The following SUPT3H variants were observed in gnomAD, a reference collection of about 807,000 sequenced individuals.
SUPT3H encodes the protein transcription initiation protein SPT3 homolog.
A neutral mutation model predicts 44.3 loss-of-function variants in SUPT3H; 44 were observed. The observed-to-expected ratio is 0.99, with a 90% confidence interval of 0.78 to 1.28. The LOEUF (loss-of-function observed/expected upper bound fraction) is 1.28, where lower values mean the gene tolerates loss of function less well. Ranked by LOEUF, SUPT3H falls within the 50% of genes most tolerant of loss-of-function variation. The probability of loss-of-function intolerance (pLI) is 0.00; values close to 1 mark genes in which losing one functional copy is unlikely to be tolerated. For missense variants in SUPT3H, 380 were observed against 387.1 expected (o/e 0.98, Z 0.15); for synonymous variants, 124 against 125.6 (o/e 0.99, Z 0.09).
At chr6:44,974,435 T>C (rs1562175202) in intron 6 of SUPT3H, among the ~76,000 whole-genome samples, 1 of 152,110 alleles carries the variant, frequency 6.6e-6, no homozygotes, top group Admixed American at 6.5e-5. Context: ...AGTCCTCCAA[T>C]ATTCTTTCTC....
At chr6:44,912,664 T>C (rs1461195380) in intron 10 of SUPT3H, among the ~76,000 whole-genome samples, 1 of 152,252 alleles carries the variant, frequency 6.6e-6, no homozygotes, top group Non-Finnish European at 1.5e-5. Flanking sequence ...TTCCAGTTGT[T>C]GTTCCCTTTA....
chr6:45,072,789 C>A (rs1333888969), intron 3 of SUPT3H, among the ~76,000 whole-genome samples: 1 of 152,078 alleles, frequency 6.6e-6, no homozygotes, highest in Non-Finnish European at 1.5e-5. Context: ...GCTGCCCAAT[C>A]TAGGATTAAA....
At chr6:44,848,128 G>C (rs1772223982) in intron 10 of SUPT3H, among the ~76,000 whole-genome samples, 1 of 118,852 alleles carries the variant, frequency 8.4e-6, no homozygotes, top group African/African-American at 2.6e-5. Context: ...ACCACACTCA[G>C]CTAATTTTTT....
chr6:45,289,591 T>C (rs1276301287), intron 2 of SUPT3H, among the ~76,000 whole-genome samples: 2 of 152,176 alleles, frequency 1.3e-5, no homozygotes, highest in African/African-American at 4.8e-5. Context: ...TAAAGAGATA[T>C]CATCTGAATA....
intron 6 of SUPT3H, among the ~76,000 whole-genome samples, chr6:44,986,315 AC>A (rs951698070): frequency 1.1e-3 from 164 of 152,292 alleles, no homozygotes; most frequent in Non-Finnish European, 1.6e-4. Flanking sequence ...AGTGTCCCCA[AC>A]TATAAAGTGA....
At chr6:45,178,075 A>C (rs1344388068) in intron 2 of SUPT3H, among the ~76,000 whole-genome samples, 1 of 152,058 alleles carries the variant, frequency 6.6e-6, no homozygotes, top group Non-Finnish European at 1.5e-5. Flanking sequence ...AACAATATTA[A>C]CTTTAAATTT....
chr6:45,192,908 T>C (rs1158041735), intron 2 of SUPT3H, among the ~76,000 whole-genome samples: 1 of 152,102 alleles, frequency 6.6e-6, no homozygotes, highest in African/African-American at 2.4e-5. Flanking sequence ...AATGCAAAAT[T>C]GTAAGAAAAT....
At chr6:45,137,012 T>A (rs1336225794) in intron 2 of SUPT3H, among the ~76,000 whole-genome samples, 1 of 152,114 alleles carries the variant, frequency 6.6e-6, no homozygotes, top group Non-Finnish European at 1.5e-5. Flanking sequence ...ATAAGATAAG[T>A]GACTCATTCC....
At chr6:45,118,822 A>G (rs1193466922) in intron 2 of SUPT3H, among the ~76,000 whole-genome samples, 3 of 152,156 alleles carry the variant, frequency 2.0e-5, no homozygotes, top group African/African-American at 7.2e-5. Flanking sequence ...CTGCACTATA[A>G]CCCTGAGCTC....
intron 2 of SUPT3H, among the ~76,000 whole-genome samples, chr6:45,165,840 G>C (rs974316641): frequency 1.1e-4 from 16 of 152,100 alleles, no homozygotes; most frequent in Admixed American, 2.0e-4. Context: ...AGGGAACAGA[G>C]AACACAAGAG....
chr6:45,327,965 A>G (rs1424439680), intron 2 of SUPT3H, among the ~76,000 whole-genome samples: 1 of 151,974 alleles, frequency 6.6e-6, no homozygotes, highest in African/African-American at 2.4e-5. Context: ...GAGGAGGCAA[A>G]AAGGCAGAGG....
At chr6:45,158,298 A>ATATATATATATATAATTTTTTTT in intron 2 of SUPT3H, among the ~76,000 whole-genome samples, 1 of 99,688 alleles carries the variant, frequency 1.0e-5, no homozygotes, top group South Asian at 3.0e-4. Context: ...ATATATATAT[A>ATATATATATATATAATTTTTTTT]TTTTTTTTTT....
intron 9 of SUPT3H, among the ~76,000 whole-genome samples, chr6:44,939,494 G>A (rs941050601): frequency 1.3e-5 from 2 of 152,040 alleles, no homozygotes; most frequent in African/African-American, 2.4e-5. Context: ...TGGAGTCTGT[G>A]TTCATCAGGG....
chr6:45,124,849 T>C (rs532799555), intron 2 of SUPT3H, among the ~76,000 whole-genome samples: 4 of 152,176 alleles, frequency 2.6e-5, no homozygotes, highest in Admixed American at 6.5e-5. Flanking sequence ...ATAATGAAGT[T>C]AAAACAAGGT....
chr6:44,813,579 A>AG lies in SUPT3H; in HGVS notation c.*53-4079_*53-4078insC, dbSNP rs535312048. On this transcript the variant is annotated intron_variant and NMD_transcript_variant, in intron 11 of 11. Coordinates refer to the SUPT3H transcript ENST00000475057. Reference sequence around the variant, plus strand: ...AGGAGGCACTGAAAACCAAGAGGAAAAAAAAAAAAACAGACAACAGAAACA... The same window carrying AG: ...AGGAGGCACTGAAAACCAAGAGGAAAGAAAAAAAAAACAGACAACAGAAACA... Among the ~76,000 whole-genome samples the AG allele has an allele frequency of 2.0e-3, 309 of 151,664 alleles. 1 individual carries two copies. Among genetic ancestry groups the AG allele is most frequent in the African/African-American group, 7.2e-3 (299 of 41,386 alleles).
intron 4 of SUPT3H, among the ~76,000 whole-genome samples, chr6:45,018,766 T>C (rs1420208183): frequency 3.3e-5 from 5 of 152,010 alleles, no homozygotes; most frequent in Non-Finnish European, 7.4e-5. Context: ...TTATTGAGGA[T>C]TTTTGCATCA....
At chr6:45,009,602 T>G (rs1022706916) in intron 5 of SUPT3H, among the ~76,000 whole-genome samples, 1 of 152,188 alleles carries the variant, frequency 6.6e-6, no homozygotes, top group African/African-American at 2.4e-5. Flanking sequence ...TTGAAATCCT[T>G]GTCAATATCA....
At chr6:45,070,515 G>A (rs958200724) in intron 3 of SUPT3H, among the ~76,000 whole-genome samples, 2 of 151,748 alleles carry the variant, frequency 1.3e-5, no homozygotes, top group Non-Finnish European at 2.9e-5. Context: ...AGAGGCAGAC[G>A]GATCACCTAA....
At chr6:45,374,934 C>T (rs529005064) in intron 1 of SUPT3H, among the ~76,000 whole-genome samples, 2 of 152,158 alleles carry the variant, frequency 1.3e-5, no homozygotes, top group African/African-American at 2.4e-5. Flanking sequence ...TGGCCGGGCA[C>T]GGTGGCTCAC....
Sources: gnomAD v4.1 joint callset for allele counts (sites outside exome capture counted in the v4.1 genomes callset) on GRCh38, gnomAD v4.1.1 for gene constraint, MANE v1.5 for transcripts, NCBI Gene and HGNC (gene_info 2026-07-23, HGNC 2026-07-21) for gene names.